Variants in SYNE2 observed in about 807,000 individuals in gnomAD.
SYNE2 encodes the protein nesprin-2.
In SYNE2, 431 loss-of-function variants were observed where a neutral mutation model predicts 856.3. The observed-to-expected ratio is 0.50, with a 90% CI of 0.47 to 0.55. The LOEUF (loss-of-function observed/expected upper bound fraction) is 0.55, where lower values mean the gene tolerates loss of function less well. SYNE2 is among the 20% of genes least tolerant of loss of function. The pLI, the probability that SYNE2 is intolerant of heterozygous loss-of-function variation, is 0.00. For missense variants in SYNE2, 8,129 were observed against 8,023.2 expected, an observed-to-expected ratio of 1.01 and a Z score of -0.50; for synonymous variants, 2,923 against 2,872.3, an observed-to-expected ratio of 1.02 and a Z score of -0.56.
At chr14:63,815,976 A>T (rs868825372) in intron 1 of SYNE2, among the ~76,000 whole-genome samples, 2 of 122,008 alleles carry the variant, frequency 1.6e-5, no homozygotes, top group African/African-American at 6.5e-5. Flanking sequence ...TTGAGATGGG[A>T]GTCTTGCTCT....
chr14:63,883,389 G>A (rs1295470104), intron 1 of SYNE2, among the ~76,000 whole-genome samples: 1 of 151,658 alleles, frequency 6.6e-6, no homozygotes, highest in Non-Finnish European at 1.5e-5. Flanking sequence ...TCAGGGTCTC[G>A]CTCTGTTACC....
chr14:63,919,219 T>G (rs2095567711), intron 2 of SYNE2, among the ~76,000 whole-genome samples: 1 of 152,174 alleles, frequency 6.6e-6, no homozygotes, highest in Non-Finnish European at 1.5e-5. Flanking sequence ...TGCTTATATT[T>G]AAGCCAGACT....
intron 1 of SYNE2, among the ~76,000 whole-genome samples, chr14:63,762,991 CAG>C (rs948500461): frequency 6.6e-6 from 1 of 152,110 alleles, no homozygotes; most frequent in Non-Finnish European, 1.5e-5. Flanking sequence ...TGTTTTGAGA[CAG>C]AGTCTCACCT....
chr14:64,147,062 T>C (rs1307253529), intron 84 of SYNE2, among the ~76,000 whole-genome samples: 1 of 152,198 alleles, frequency 6.6e-6, no homozygotes, highest in East Asian at 1.9e-4. Flanking sequence ...CTTGGAGTCA[T>C]GTGCTTCCTT....
At chr14:64,129,319 ATAAATAAG>A (rs1213437825) in intron 74 of SYNE2, among the ~76,000 whole-genome samples, 2 of 152,204 alleles carry the variant, frequency 1.3e-5, no homozygotes, top group Non-Finnish European at 2.9e-5. Context: ...AAATAAATAA[ATAAATAAG>A]TCATAAATAT....
At chr14:63,823,698 C>T (rs35033077) in intron 1 of SYNE2, among the ~76,000 whole-genome samples, 15,686 of 151,190 alleles carry the variant, frequency 0.1, 902 homozygotes, top group African/African-American at 0.15. Flanking sequence ...TGCAATGGCC[C>T]TATCTCAACT....
chr14:64,212,965 G>A lies in SYNE2; in HGVS notation c.19016G>A (p.Arg6339Lys), dbSNP rs1407051010. 6.2e-7 allele frequency: 1 copy of A among 1,613,964 alleles called. No homozygotes were observed. Among genetic ancestry groups the A allele is most frequent in the Non-Finnish European group, 8.5e-7 (1 of 1,180,026 alleles). The change falls in exon 105 of 116, where the codon AGG (arginine) becomes AAG (lysine). Residue 6339 changes from arginine (R) to lysine (K), a missense_variant. By Grantham distance (26) the Arg-to-Lys change is conservative. Around this residue, in one of 3 missense-constraint regions of SYNE2, gnomAD observed 5,410 missense variants for 5,284.8 expected, o/e 1.02. Transcript: ENST00000555002. The part of the protein sequence containing the change: ...LHRYCQEVFG[R>K]VSRFHRRLTS... ...CGCTACTGCCAGGAGGTGTTTGGAA[G>A]GGTCTCCCGGTTCCACCGGCGGCTC...
chr14:64,025,026 A>G lies in SYNE2; in HGVS notation c.5955A>G (p.Arg1985=). The change falls in exon 40 of 116, where the codon AGA becomes AGG. Residue 1985 remains arginine (R), a synonymous_variant. Transcript: ENST00000555002. ...AGCTGTTCTGCCAAGCTTTAGCTAG[A>G]AAGAGGTATAGCTGATCTTGTATGA... is the stretch of plus-strand genomic sequence containing the variant. ...KTELFCQALA[R]KREQFESVAQ... 1 of 1,614,100 alleles carries G rather than the reference A, an allele frequency of 6.2e-7. No homozygotes were observed.
chr14:64,126,608 T>C lies in SYNE2; in HGVS notation c.13718T>C (p.Leu4573Pro), dbSNP rs1308527520. ...TCCTCTCCACTCCAGACGCTGGCTC[T>C]TGAGTTGAAGAAACTTTATTTAGCG... Reference protein sequence around the residue: ...GQQVHYETLALELKKLYLALS... With the variant: ...GQQVHYETLAPELKKLYLALS... Residue 4573 changes from leucine to proline, a missense_variant, in exon 73 of 116, where the codon CTT becomes CCT. By Grantham distance (98) the Leu-to-Pro change is moderately conservative. This residue lies in a region of SYNE2 where 5,410 missense variants were observed against 5,284.8 expected (regional missense o/e 1.02). Transcript: ENST00000555002. The C allele has an allele frequency of 6.2e-7, 1 of 1,614,114 alleles. No individual in the cohort carries two copies. Among genetic ancestry groups the C allele is most frequent in the Non-Finnish European group, 8.5e-7 (1 of 1,180,042 alleles).
chr14:64,197,116 T>C (rs2098543939), intron 99 of SYNE2: 1 of 152,348 alleles, frequency 6.6e-6, no homozygotes, highest in African/African-American at 2.4e-5. Context: ...TAAGTGCCAT[T>C]TTCGTCATCA....
intron 1 of SYNE2, among the ~76,000 whole-genome samples, chr14:63,809,740 A>T (rs1017998779): frequency 6.6e-6 from 1 of 152,036 alleles, no homozygotes; most frequent in African/African-American, 2.4e-5. Flanking sequence ...GCCTCAAGTG[A>T]TCCTCTTCCC....
intron 2 of SYNE2, among the ~76,000 whole-genome samples, chr14:63,931,693 G>A (rs551952761): frequency 2.6e-5 from 4 of 152,178 alleles, no homozygotes; most frequent in South Asian, 2.1e-4. Flanking sequence ...CTTTCAATCA[G>A]CAAATATTTA....
intron 47 of SYNE2, among the ~76,000 whole-genome samples, chr14:64,050,256 C>T (rs2097215387): frequency 6.6e-6 from 1 of 152,158 alleles, no homozygotes; most frequent in Non-Finnish European, 1.5e-5. Flanking sequence ...GGCTCTACTC[C>T]TATCCTTAGG....
chr14:64,142,215 G>A (rs2098143985), intron 82 of SYNE2, 127 bp downstream of exon 82: 3 of 1,113,354 alleles, frequency 2.7e-6, no homozygotes, highest in Non-Finnish European at 4.0e-6. Context: ...GGAAACTGGG[G>A]TGGTGGATGA....
At chr14:64,210,571 A>C (rs1428157932) in intron 103 of SYNE2, among the ~76,000 whole-genome samples, 1 of 152,216 alleles carries the variant, frequency 6.6e-6, no homozygotes, top group African/African-American at 2.4e-5. Context: ...CCCTGTCTGC[A>C]CTGGGGGGTT....
At chr14:63,909,811 A>C (rs928106240) in intron 2 of SYNE2, among the ~76,000 whole-genome samples, 1 of 152,244 alleles carries the variant, frequency 6.6e-6, no homozygotes, top group African/African-American at 2.4e-5. Context: ...ATTGCATTCC[A>C]GCCTGGGCAA....
chr14:64,152,491 CTCCTGTCTCTG>C lies in SYNE2; in HGVS notation c.15640-72_15640-62del. ...GACATTTTTACTTGAAAAGAGTGAACTCCTGTCTCTGACACCTTATTAATTGTTTTGTAATA... is the reference window on the plus strand; with the variant it reads ...GACATTTTTACTTGAAAAGAGTGAACACACCTTATTAATTGTTTTGTAATA... On this transcript the variant is annotated intron_variant, in intron 84 of 115. Coordinates refer to ENST00000555002, the MANE Select transcript of SYNE2 (RefSeq NM_182914.3). 6 of 1,485,152 alleles carry C rather than the reference CTCCTGTCTCTG, an allele frequency of 4.0e-6. 1 individual carries two copies. In the South Asian group the frequency reaches 7.0e-5, roughly 17 times the overall value. 92.0% of individuals were successfully genotyped at this position (1,485,152 alleles called of 1,614,324 possible). A position where few individuals can be genotyped will look rare whatever the true frequency, so the allele number is the denominator to read the frequency against.
At chr14:64,190,991 T>TGTGGG (rs1393618955) in intron 99 of SYNE2, 1 of 702,350 alleles carries the variant, frequency 1.4e-6, no homozygotes, top group South Asian at 1.5e-5. Flanking sequence ...GGACCACTTG[T>TGTGGG]GCAGCTGTGC....
chr14:64,184,358 G>GTGTGTGTGTGTGTGTGTGTGTA (rs989630777), intron 96 of SYNE2, among the ~76,000 whole-genome samples: 2 of 150,726 alleles, frequency 1.3e-5, no homozygotes, highest in African/African-American at 4.9e-5. Flanking sequence ...GTGTGTGTGT[G>GTGTGTGTGTGTGTGTGTGTGTA]TGTGTATGTG....
Sources: allele counts gnomAD v4.1 joint callset (sites outside exome capture counted in the v4.1 genomes callset), GRCh38; gene constraint gnomAD v4.1.1; regional missense constraint gnomAD v4.1.1; transcripts MANE v1.5; gene names NCBI Gene and HGNC (gene_info 2026-07-23, HGNC 2026-07-21).